RIN3: variants seen among roughly 807,000 people sequenced by gnomAD.
The protein encoded by RIN3 is RAB5 interacting protein 3.
A neutral mutation model predicts 76.3 loss-of-function variants in RIN3; 54 were observed. That is an observed-to-expected ratio of 0.71 (90% confidence interval 0.57 to 0.89). The LOEUF (loss-of-function observed/expected upper bound fraction) is 0.89, where lower values mean the gene tolerates loss of function less well. RIN3 is among the 40% of genes least tolerant of loss of function. The pLI, the probability that RIN3 is intolerant of heterozygous loss-of-function variation, is 0.00. For synonymous variants in RIN3, 576 were observed against 564.0 expected (o/e 1.02, Z -0.30); for missense variants, 1,256 against 1,322.1 (o/e 0.95, Z 0.78).
chr14:92,539,122 C>T (rs976933481), intron 1 of RIN3, among the ~76,000 whole-genome samples: 5 of 152,076 alleles, frequency 3.3e-5, no homozygotes, highest in African/African-American at 1.2e-4. Flanking sequence ...AGCTTGGCCC[C>T]TAAATCCTGT....
chr14:92,542,386 G>T lies in RIN3; in HGVS notation c.45-13365G>T, dbSNP rs368896863. Among the ~76,000 whole-genome samples, 10 of 152,130 alleles carry T rather than the reference G, an allele frequency of 6.6e-5. No homozygotes were observed. The East Asian group carries it at 7.7e-4, about 12-fold the overall frequency. On this transcript the variant is annotated intron_variant, in intron 1 of 9. Transcript: ENST00000216487. ...TGAGAAACTACTTCACAACCAATAG[G>T]GTGGCTGTAATAAAAAAGACAGACA...
rs547559726 is a variant in RIN3, at chr14:92,647,400, G to A, written c.533-4182G>A. ...CTATATTCAGCAGTTGATTACAAGCGTCCAAGGAATTTAGAGAATAGGGAT... is the reference window on the plus strand; with the variant it reads ...CTATATTCAGCAGTTGATTACAAGCATCCAAGGAATTTAGAGAATAGGGAT... On this transcript the variant is annotated intron_variant, in intron 5 of 9. Coordinates refer to ENST00000216487, the MANE Select transcript of RIN3 (RefSeq NM_024832.5). Among the ~76,000 whole-genome samples the A allele has an allele frequency of 4.6e-5, 7 of 152,298 alleles. No individual in the cohort carries two copies. In the South Asian group the frequency reaches 8.3e-4, roughly 18 times the overall value.
At chr14:92,527,734 T>C (rs1896780232) in intron 1 of RIN3, among the ~76,000 whole-genome samples, 1 of 152,158 alleles carries the variant, frequency 6.6e-6, no homozygotes, top group Non-Finnish European at 1.5e-5. Context: ...TTCGAGAACG[T>C]CCTGTGAATG....
intron 3 of RIN3, among the ~76,000 whole-genome samples, chr14:92,604,421 G>C (rs1885453346): frequency 6.6e-6 from 1 of 152,204 alleles, no homozygotes; most frequent in Non-Finnish European, 1.5e-5. Context: ...GGTGGATTTG[G>C]AATAGGTTGG....
At chr14:92,601,824 A>G (rs943739591) in intron 3 of RIN3, among the ~76,000 whole-genome samples, 3 of 152,086 alleles carry the variant, frequency 2.0e-5, no homozygotes, top group African/African-American at 7.2e-5. Flanking sequence ...ACACTTGGCA[A>G]TTTGCAAATC....
chr14:92,574,199 A>T (rs766232005), intron 2 of RIN3, among the ~76,000 whole-genome samples: 23 of 152,234 alleles, frequency 1.5e-4, no homozygotes, highest in Non-Finnish European at 2.6e-4. Flanking sequence ...GGGGTCCTGA[A>T]CAGGTCTTCG....
intron 2 of RIN3, among the ~76,000 whole-genome samples, chr14:92,565,839 C>T (rs1221906737): frequency 6.6e-6 from 1 of 152,158 alleles, no homozygotes; most frequent in Non-Finnish European, 1.5e-5. Flanking sequence ...GACCTCCTGT[C>T]TTATCCTGTG....
chr14:92,624,585 C>CATCTGCT (rs1455547753), intron 4 of RIN3, among the ~76,000 whole-genome samples: 2 of 152,104 alleles, frequency 1.3e-5, no homozygotes, highest in African/African-American at 4.8e-5. Context: ...AAGGTAGAAG[C>CATCTGCT]ATCTGCTTCG....
chr14:92,660,604 A>G (rs2140152241), intron 7 of RIN3, among the ~76,000 whole-genome samples: 1 of 152,374 alleles, frequency 6.6e-6, no homozygotes, highest in East Asian at 1.9e-4. Flanking sequence ...AAAGCCTGCA[A>G]GGCCCATCGA....
intron 1 of RIN3, among the ~76,000 whole-genome samples, chr14:92,539,629 C>A (rs1410772295): frequency 6.6e-6 from 1 of 152,080 alleles, no homozygotes; most frequent in East Asian, 1.9e-4. Flanking sequence ...AGTGGACAGA[C>A]CTGCCCAGGA....
At chr14:92,575,327 G>A (rs74072968) in intron 2 of RIN3, among the ~76,000 whole-genome samples, 2,119 of 152,138 alleles carry the variant, frequency 0.014, 52 homozygotes, top group African/African-American at 0.048. Flanking sequence ...AAGGGCTCCC[G>A]ATCCAGACCC....
intron 3 of RIN3, among the ~76,000 whole-genome samples, chr14:92,613,570 A>G (rs755317371): frequency 6.6e-6 from 1 of 152,226 alleles, no homozygotes; most frequent in Non-Finnish European, 1.5e-5. Flanking sequence ...GCGTATCACT[A>G]TAAGCATCTC....
chr14:92,649,983 G>A (rs187848970), intron 5 of RIN3, among the ~76,000 whole-genome samples: 15 of 152,288 alleles, frequency 9.8e-5, no homozygotes, highest in African/African-American at 1.4e-4. Context: ...CCCTGATTGC[G>A]TTGGTGACCC....
chr14:92,555,096 T>C (rs1193366900), intron 1 of RIN3, among the ~76,000 whole-genome samples: 1 of 152,198 alleles, frequency 6.6e-6, no homozygotes, highest in Non-Finnish European at 1.5e-5. Context: ...CTATCTTGAT[T>C]TGGGTGGTAG....
intron 3 of RIN3, among the ~76,000 whole-genome samples, chr14:92,584,846 AAAG>A (rs1398124992): frequency 6.6e-6 from 1 of 152,050 alleles, no homozygotes; most frequent in Admixed American, 6.5e-5. Context: ...GCTGCTCTAA[AAAG>A]AAGGCCACTT....
chr14:92,522,524 C>A (rs61977344), intron 1 of RIN3, among the ~76,000 whole-genome samples: 1 of 152,166 alleles, frequency 6.6e-6, no homozygotes, highest in Non-Finnish European at 1.5e-5. Context: ...TGTTGTGGAC[C>A]TATGTTGCCT....
rs771269698 is a variant in RIN3 at position 92,681,682 on chromosome 14, C to T, written c.2468-3305C>T. Among the ~76,000 whole-genome samples, 14 of 152,070 alleles carry T rather than the reference C, an allele frequency of 9.2e-5. No individual in the cohort carries two copies. Among genetic ancestry groups the T allele is most frequent in the African/African-American group, 1.7e-4 (7 of 41,382 alleles). ...GACATAAGCCAGACAGGAAACAGGACGACTGAGGGATGCCAGGTAGAGGAC... is the reference window on the plus strand; with the variant it reads ...GACATAAGCCAGACAGGAAACAGGATGACTGAGGGATGCCAGGTAGAGGAC... On this transcript the variant is annotated intron_variant, in intron 8 of 9. Transcript: ENST00000216487. The surrounding 1 kb of genome is among the most constrained non-coding windows in gnomAD (Gnocchi z 4.7).
chr14:92,641,002 C>G (rs975969771), intron 4 of RIN3, among the ~76,000 whole-genome samples: 2 of 152,042 alleles, frequency 1.3e-5, no homozygotes, highest in Non-Finnish European at 2.9e-5. Flanking sequence ...GCAGTGACCC[C>G]GCCCCGCCAC....
At chr14:92,647,359 G>T (rs1327689257) in intron 5 of RIN3, among the ~76,000 whole-genome samples, 1 of 152,202 alleles carries the variant, frequency 6.6e-6, no homozygotes, top group African/African-American at 2.4e-5. Context: ...ATAAGGAGGA[G>T]CAATTCAGCC....
Sources: allele counts gnomAD v4.1 joint callset (sites outside exome capture counted in the v4.1 genomes callset), GRCh38; gene constraint gnomAD v4.1.1; non-coding constraint Gnocchi (gnomAD v3.1); transcripts MANE v1.5; gene names NCBI Gene and HGNC (gene_info 2026-07-23, HGNC 2026-07-21).